The following PAK2 variants were observed in gnomAD, a reference collection of about 807,000 sequenced individuals.
PAK2 encodes p21 (RAC1) activated kinase 2.
PAK2 carries 21 observed loss-of-function variants against 65.9 expected under a neutral mutation model. The ratio of observed to expected loss-of-function variants is 0.32; its 90% confidence interval spans 0.23 to 0.46. The LOEUF (loss-of-function observed/expected upper bound fraction) is 0.46, where lower values mean the gene tolerates loss of function less well. Ranked by LOEUF, PAK2 falls within the 20% of genes least tolerant of loss-of-function variation. The probability of loss-of-function intolerance (pLI) is 1.00; values close to 1 mark genes in which losing one functional copy is unlikely to be tolerated. For missense variants in PAK2, 324 were observed against 642.6 expected (o/e 0.50, Z 5.36); for synonymous variants, 204 against 219.7 (o/e 0.93, Z 0.63).
intron 14 of PAK2, 73 bp from the exon 15 acceptor site, chr3:196,828,246 T>A (rs1711950889): frequency 2.4e-6 from 2 of 839,886 alleles, no homozygotes; most frequent in Non-Finnish European, 4.0e-6. Context: ...TGGGGCTTAA[T>A]TGAACAAAAT....
At chr3:196,809,560 TCTCAAA>T (rs1293667064) in intron 7 of PAK2, among the ~76,000 whole-genome samples, 1 of 150,936 alleles carries the variant, frequency 6.6e-6, no homozygotes, top group Non-Finnish European at 1.5e-5. Flanking sequence ...GCTGGGCTGG[TCTCAAA>T]CTCCTGACCT....
chr3:196,795,980 C>A (rs77578700), intron 2 of PAK2, among the ~76,000 whole-genome samples: 2,255 of 152,320 alleles, frequency 0.015, 96 homozygotes, highest in Admixed American at 0.093. Context: ...GGTCATCAGA[C>A]ATTAGATTCT....
chr3:196,763,435 G>C (rs7642801), intron 1 of PAK2, among the ~76,000 whole-genome samples: 67,516 of 151,728 alleles, frequency 0.44, 15,800 homozygotes, highest in Non-Finnish European at 0.53. Flanking sequence ...GCCCTATATC[G>C]ACAAAGCTTA....
chr3:196,756,720 C>A (rs1482177258), intron 1 of PAK2, among the ~76,000 whole-genome samples: 1 of 152,158 alleles, frequency 6.6e-6, no homozygotes. Context: ...CCTGTAGTCC[C>A]AGCTACTCGG....
At chr3:196,808,425 G>T (rs2108761257) in intron 7 of PAK2, among the ~76,000 whole-genome samples, 1 of 151,746 alleles carries the variant, frequency 6.6e-6, no homozygotes, top group Non-Finnish European at 1.5e-5. Context: ...GCTGGGCATG[G>T]TGGCATGTGC....
chr3:196,789,754 C>T (rs545865168), intron 2 of PAK2, among the ~76,000 whole-genome samples: 63 of 152,294 alleles, frequency 4.1e-4, no homozygotes, highest in South Asian at 1.7e-3. Flanking sequence ...CGTGAGCCAC[C>T]GTGCCTGGCC....
Position 196,806,545 on chromosome 3 carries a change from C to T in PAK2, c.469-34C>T, listed in dbSNP as rs770620387. The T allele has an allele frequency of 3.8e-6, 5 of 1,323,312 alleles. No individual in the cohort carries two copies. In the South Asian group the frequency reaches 5.9e-5, roughly 16 times the overall value. The allele number at this position is 1,323,312 out of a possible 1,614,324, so 82.0% of individuals were successfully genotyped here. Reference sequence around the variant, plus strand: ...GATAGTCGCATTTAAGCCTATTGGACTTGTTTTCCTTACTTTGCTCATCAT... The same window carrying T: ...GATAGTCGCATTTAAGCCTATTGGATTTGTTTTCCTTACTTTGCTCATCAT... On this transcript the variant is annotated intron_variant, in intron 5 of 14. Transcript: ENST00000327134.
intron 1 of PAK2, among the ~76,000 whole-genome samples, chr3:196,761,857 G>T (rs1267885949): frequency 2.0e-5 from 3 of 149,216 alleles, no homozygotes; most frequent in South Asian, 2.1e-4. Context: ...CCTCCCTCCC[G>T]GACGGGGTGG....
At chr3:196,763,795 T>C (rs1205408237) in intron 1 of PAK2, among the ~76,000 whole-genome samples, 1 of 152,040 alleles carries the variant, frequency 6.6e-6, no homozygotes, top group Admixed American at 6.6e-5. Context: ...AGATCCAGTG[T>C]TAATTGCTTG....
chr3:196,788,772 C>T (rs1320964195), intron 2 of PAK2, among the ~76,000 whole-genome samples: 3 of 152,228 alleles, frequency 2.0e-5, no homozygotes, highest in Middle Eastern at 6.8e-3. Flanking sequence ...GTTCCATGCC[C>T]GGGAAGAGCC....
chr3:196,779,385 G>T (rs1714635508), intron 1 of PAK2, among the ~76,000 whole-genome samples: 1 of 152,068 alleles, frequency 6.6e-6, no homozygotes, highest in Non-Finnish European at 1.5e-5. Context: ...AGCGTGCTCT[G>T]GGCTCATCTT....
intron 1 of PAK2, among the ~76,000 whole-genome samples, chr3:196,755,539 A>G (rs1326456612): frequency 6.7e-6 from 1 of 149,854 alleles, no homozygotes; most frequent in Non-Finnish European, 1.5e-5. Flanking sequence ...GCCCTCTGTA[A>G]CCTCTACTTC....
intron 4 of PAK2, 50 bp downstream of exon 4, chr3:196,803,214 C>T (rs1449364881): frequency 1.4e-6 from 2 of 1,421,582 alleles, no homozygotes. Flanking sequence ...TGAAGCACTT[C>T]TAGATAAAAA....
At chr3:196,759,036 A>G (rs1262674517) in intron 1 of PAK2, among the ~76,000 whole-genome samples, 1 of 152,234 alleles carries the variant, frequency 6.6e-6, no homozygotes, top group Non-Finnish European at 1.5e-5. Flanking sequence ...TAGAAACATT[A>G]CTAGCAGAGT....
chr3:196,771,348 A>G (rs566844006), intron 1 of PAK2, among the ~76,000 whole-genome samples: 32 of 152,054 alleles, frequency 2.1e-4, no homozygotes, highest in Middle Eastern at 3.4e-3. Context: ...TGATATTATT[A>G]ATATCACTAC....
At chr3:196,747,119 G>T (rs1466197495) in intron 1 of PAK2, 9 of 145,632 alleles carry the variant, frequency 6.2e-5, no homozygotes, top group African/African-American at 1.3e-4. Flanking sequence ...GTTTTTTTTT[G>T]TTTGTTTTCT....
chr3:196,812,435 T>C (rs556162446), intron 9 of PAK2, among the ~76,000 whole-genome samples, 168 bp downstream of exon 9: 2 of 152,206 alleles, frequency 1.3e-5, no homozygotes, highest in South Asian at 2.1e-4. Context: ...GAAGGACTTA[T>C]GAGTTCAATG....
intron 1 of PAK2, among the ~76,000 whole-genome samples, chr3:196,780,857 C>T (rs931168754): frequency 4.6e-5 from 7 of 152,298 alleles, no homozygotes; most frequent in South Asian, 4.1e-4. Context: ...GGCGCAATCT[C>T]GGCTCACTGC....
chr3:196,780,475 T>C (rs1260430033), intron 1 of PAK2, among the ~76,000 whole-genome samples: 1 of 152,064 alleles, frequency 6.6e-6, no homozygotes, highest in African/African-American at 2.4e-5. Context: ...TTTAAAACCA[T>C]CAGATCACGT....
Sources: gnomAD v4.1 joint callset for allele counts (sites outside exome capture counted in the v4.1 genomes callset) on GRCh38, gnomAD v4.1.1 for gene constraint, MANE v1.5 for transcripts, NCBI Gene and HGNC (gene_info 2026-07-23, HGNC 2026-07-21) for gene names.